Variants in PGCKA1 observed in about 807,000 individuals in gnomAD.
PGCKA1 encodes the protein PDCD10 and GCKIII kinases-associated protein 1.
chr4:37,513,097 A>G, the PGCKA1 span, among the ~76,000 whole-genome samples: 4 of 111,340 alleles, frequency 3.6e-5, no homozygotes, highest in Non-Finnish European at 7.7e-5. Flanking sequence ...CTCAAAAAAA[A>G]AAAAGAAAGA....
chr4:37,581,503 C>G, the PGCKA1 span, among the ~76,000 whole-genome samples: 1 of 152,094 alleles, frequency 6.6e-6, no homozygotes, highest in Non-Finnish European at 1.5e-5. This position sits in a 1 kb window ranked among gnomAD's most constrained non-coding sequence, Gnocchi z 4.4. Context: ...AAGTGCAGTC[C>G]CTTCTGGCCC....
chr4:37,493,690 T>C, the PGCKA1 span, among the ~76,000 whole-genome samples: 5 of 152,310 alleles, frequency 3.3e-5, no homozygotes, highest in South Asian at 1.0e-3. Flanking sequence ...TTCATACCCA[T>C]TAACCATTCT....
chr4:37,588,160 C>G, the PGCKA1 span: 6 of 152,300 alleles, frequency 3.9e-5, no homozygotes, highest in African/African-American at 1.4e-4. Flanking sequence ...GGTCAGGGAA[C>G]AGTGGGCAAG....
the PGCKA1 span, among the ~76,000 whole-genome samples, chr4:37,559,464 G>A: frequency 7.0e-6 from 1 of 142,160 alleles, no homozygotes; most frequent in South Asian, 2.6e-4. Context: ...GGAGGGGGAA[G>A]GGATAGCATT....
At chr4:37,491,469 G>T in the PGCKA1 span, among the ~76,000 whole-genome samples, 22 of 152,130 alleles carry the variant, frequency 1.4e-4, no homozygotes, top group Non-Finnish European at 2.6e-4. Flanking sequence ...TTACTTGTTT[G>T]TATGGTTTTA....
chr4:37,457,271 A>T, the PGCKA1 span, among the ~76,000 whole-genome samples: 1 of 152,204 alleles, frequency 6.6e-6, no homozygotes, highest in Non-Finnish European at 1.5e-5. Context: ...TTGATTGTTT[A>T]ACACTAGTGG....
At chr4:37,547,235 C>T in the PGCKA1 span, among the ~76,000 whole-genome samples, 26 of 152,324 alleles carry the variant, frequency 1.7e-4, no homozygotes, top group Admixed American at 7.8e-4. Flanking sequence ...GTGCCTCTAC[C>T]GGCACTTTGG....
chr4:37,592,353 G>GAAAA, the PGCKA1 span, among the ~76,000 whole-genome samples: 4 of 108,182 alleles, frequency 3.7e-5, no homozygotes, highest in African/African-American at 1.3e-4. Flanking sequence ...CCATCTCTAT[G>GAAAA]AAAAAAAAAA....
At chr4:37,557,250 T>A in the PGCKA1 span, among the ~76,000 whole-genome samples, 1 of 152,356 alleles carries the variant, frequency 6.6e-6, no homozygotes, top group Non-Finnish European at 1.5e-5. Context: ...CAATTTTGCT[T>A]GTTTTTGTTG....
the PGCKA1 span, among the ~76,000 whole-genome samples, chr4:37,584,925 C>T: frequency 6.6e-6 from 1 of 151,110 alleles, no homozygotes; most frequent in African/African-American, 2.4e-5. Context: ...TTTATGATTG[C>T]TTCAGTTACA....
chr4:37,509,908 T>C, the PGCKA1 span, among the ~76,000 whole-genome samples: 74,964 of 144,616 alleles, frequency 0.52, 19,523 homozygotes, highest in African/African-American at 0.61. Context: ...GCCGAGATGG[T>C]GGCAGTACAG....
chr4:37,455,091 A>C, the PGCKA1 span, among the ~76,000 whole-genome samples: 1 of 152,220 alleles, frequency 6.6e-6, no homozygotes, highest in Non-Finnish European at 1.5e-5. Flanking sequence ...ATGAGGAATA[A>C]TATCTGGAGA....
At chr4:37,492,601 G>A in the PGCKA1 span, among the ~76,000 whole-genome samples, 8 of 152,118 alleles carry the variant, frequency 5.3e-5, no homozygotes, top group Non-Finnish European at 8.8e-5. This position sits in a 1 kb window ranked among gnomAD's most constrained non-coding sequence, Gnocchi z 4.7. Flanking sequence ...CCTATGCTTC[G>A]GGCATATTTA....
At chr4:37,463,502 G>C in the PGCKA1 span, among the ~76,000 whole-genome samples, 1 of 152,198 alleles carries the variant, frequency 6.6e-6, no homozygotes, top group Non-Finnish European at 1.5e-5. Flanking sequence ...TAGTAAAAAT[G>C]GAAGAGATCC....
At chr4:37,537,044 G>GC in the PGCKA1 span, among the ~76,000 whole-genome samples, 1 of 152,304 alleles carries the variant, frequency 6.6e-6, no homozygotes, top group South Asian at 2.1e-4. Context: ...AAGCTGAAGG[G>GC]CCAGTGGCAT....
chr4:37,471,713 G>C, the PGCKA1 span, among the ~76,000 whole-genome samples: 2 of 152,114 alleles, frequency 1.3e-5, no homozygotes, highest in Non-Finnish European at 2.9e-5. Context: ...ATGGGAGAGG[G>C]GAGGGAAGGG....
the PGCKA1 span, among the ~76,000 whole-genome samples, chr4:37,567,110 G>T: frequency 6.6e-6 from 1 of 152,130 alleles, no homozygotes. Context: ...TAGGATGGAT[G>T]CCAGAAATAT....
the PGCKA1 span, among the ~76,000 whole-genome samples, chr4:37,553,534 A>T: frequency 6.6e-6 from 1 of 152,222 alleles, no homozygotes; most frequent in Admixed American, 6.5e-5. Context: ...GCCACATTTC[A>T]TTAAATATTA....
At chr4:37,547,030 G>A in the PGCKA1 span, among the ~76,000 whole-genome samples, 3 of 151,934 alleles carry the variant, frequency 2.0e-5, no homozygotes, top group Non-Finnish European at 4.4e-5. Context: ...GTTTGACTTG[G>A]TTTGAATTGC....
Sources: allele counts gnomAD v4.1 joint callset (sites outside exome capture counted in the v4.1 genomes callset), GRCh38; gene constraint gnomAD v4.1.1; non-coding constraint Gnocchi (gnomAD v3.1); transcripts MANE v1.5; gene names NCBI Gene and HGNC (gene_info 2026-07-23, HGNC 2026-07-21).